The following CRPPA variants were observed in gnomAD, a reference collection of about 807,000 sequenced individuals.
The protein encoded by CRPPA is D-ribitol-5-phosphate cytidylyltransferase.
A neutral mutation model predicts 52.0 loss-of-function variants in CRPPA; 43 were observed. The ratio of observed to expected loss-of-function variants is 0.83; its 90% CI spans 0.65 to 1.07. The LOEUF (loss-of-function observed/expected upper bound fraction) is 1.07. Ranked by LOEUF, CRPPA falls within the 50% of genes least tolerant of loss-of-function variation. The pLI is 0.00. For synonymous variants in CRPPA, 250 were observed against 203.5 expected, an observed-to-expected ratio of 1.23 and a Z score of -1.94; for missense variants, 629 against 551.7, an observed-to-expected ratio of 1.14 and a Z score of -1.40.
chr7:16,188,306 G>T, intron 9 of CRPPA, among the ~76,000 whole-genome samples: 1 of 152,058 alleles, frequency 6.6e-6, no homozygotes, highest in Middle Eastern at 3.4e-3. Flanking sequence ...TCAGAACAAC[G>T]AGAACAAATG....
chr7:16,371,981 A>G (rs1011094323), intron 3 of CRPPA, among the ~76,000 whole-genome samples: 2 of 152,078 alleles, frequency 1.3e-5, no homozygotes, highest in Non-Finnish European at 1.5e-5. Context: ...TTGAAGACAA[A>G]GCTTTTGAAT....
chr7:16,312,454 T>C (rs1785054815), intron 3 of CRPPA, among the ~76,000 whole-genome samples: 1 of 152,024 alleles, frequency 6.6e-6, no homozygotes, highest in African/African-American at 2.4e-5. Flanking sequence ...TTTTATTCCC[T>C]CGTAGCCTGC....
At chr7:16,170,413 C>A (rs1334710441) in intron 9 of CRPPA, among the ~76,000 whole-genome samples, 1 of 152,186 alleles carries the variant, frequency 6.6e-6, no homozygotes, top group African/African-American at 2.4e-5. Context: ...TTTATTCCTT[C>A]TGATGTTCGG....
At chr7:16,221,994 C>T (rs1167523224) in intron 8 of CRPPA, among the ~76,000 whole-genome samples, 4 of 151,736 alleles carry the variant, frequency 2.6e-5, no homozygotes, top group East Asian at 1.9e-4. Context: ...GACACATGCA[C>T]ACGTATGTTT....
chr7:16,266,917 C>T (rs543028876), intron 6 of CRPPA, among the ~76,000 whole-genome samples: 6 of 152,232 alleles, frequency 3.9e-5, no homozygotes, highest in Middle Eastern at 3.4e-3. Flanking sequence ...AGATGGGAAA[C>T]GACTGGCATT....
intron 9 of CRPPA, among the ~76,000 whole-genome samples, chr7:16,199,027 A>C (rs1781795046): frequency 6.6e-6 from 1 of 152,070 alleles, no homozygotes; most frequent in African/African-American, 2.4e-5. Context: ...GCTAACATAC[A>C]CAACTAGCCT....
chr7:16,089,204 G>A lies in CRPPA; in HGVS notation c.*2491C>T, dbSNP rs80084340. 550 of 340,138 alleles carry A rather than the reference G, an allele frequency of 1.6e-3. 7 individuals are homozygous for A. Among genetic ancestry groups the A allele is most frequent in the African/African-American group, 0.011 (499 of 46,906 alleles). 21.1% of individuals were successfully genotyped at this position (340,138 alleles called of 1,614,324 possible). The stretch of plus-strand genomic sequence containing the variant: ...TATATACATATATGTGTGTATATAC[G>A]TACGTATATACATATATGTGTGTAT... On this transcript the variant is annotated 3_prime_UTR_variant, in exon 10 of 10. Coordinates refer to ENST00000407010, the MANE Select transcript of CRPPA (RefSeq NM_001101426.4).
rs1785489804 is a variant in CRPPA, at chr7:16,329,182, T to C, written c.685-20555A>G. On this transcript the variant is annotated intron_variant, in intron 3 of 9. Coordinates refer to ENST00000407010, the MANE Select transcript of CRPPA (RefSeq NM_001101426.4). ...TATCCAAGAGGCAAGTCGGGCTTGT[T>C]CAAGACCCCACACTAAAACTAATTT... is the stretch of plus-strand genomic sequence containing the variant. 3.9e-5 allele frequency among the ~76,000 whole-genome samples: 6 copies of C among 152,218 alleles called. No individual in the cohort carries two copies. The South Asian group carries it at 1.2e-3, about 31-fold the overall frequency.
chr7:16,114,348 C>G (rs1281496218), intron 9 of CRPPA, among the ~76,000 whole-genome samples: 1 of 150,464 alleles, frequency 6.6e-6, no homozygotes, highest in African/African-American at 2.4e-5. Flanking sequence ...AAAAAAAATC[C>G]CCAAACTTCA....
intron 9 of CRPPA, among the ~76,000 whole-genome samples, chr7:16,157,065 C>T (rs1367516751): frequency 6.6e-6 from 1 of 152,012 alleles, no homozygotes; most frequent in Non-Finnish European, 1.5e-5. Context: ...AAGCCCTTAA[C>T]TTAATTCCTT....
At chr7:16,262,767 A>C (rs1783843286) in intron 6 of CRPPA, among the ~76,000 whole-genome samples, 1 of 152,198 alleles carries the variant, frequency 6.6e-6, no homozygotes, top group African/African-American at 2.4e-5. Context: ...TAAAAGAATT[A>C]TCTTAATGAA....
intron 9 of CRPPA, among the ~76,000 whole-genome samples, chr7:16,138,516 C>A (rs887984429): frequency 1.3e-5 from 2 of 152,096 alleles, no homozygotes; most frequent in Non-Finnish European, 2.9e-5. Flanking sequence ...CCTATATTAA[C>A]CTATGTTTCA....
intron 5 of CRPPA, among the ~76,000 whole-genome samples, chr7:16,293,485 A>G (rs1784604246): frequency 1.3e-5 from 2 of 151,916 alleles, no homozygotes; most frequent in Admixed American, 1.3e-4. Flanking sequence ...TTGAGTCCTG[A>G]TATCTCTAAG....
At chr7:16,253,678 G>A (rs182882416) in intron 8 of CRPPA, among the ~76,000 whole-genome samples, 9 of 151,998 alleles carry the variant, frequency 5.9e-5, no homozygotes, top group Non-Finnish European at 1.3e-4. Context: ...ATAGGCATGG[G>A]CAAAGACTTC....
chr7:16,145,315 C>G (rs1260648387), intron 9 of CRPPA, among the ~76,000 whole-genome samples: 1 of 152,128 alleles, frequency 6.6e-6, no homozygotes, highest in Non-Finnish European at 1.5e-5. Flanking sequence ...CTCCATCTCA[C>G]CCAAGTACAA....
At chr7:16,278,894 G>A (rs1784263718) in intron 5 of CRPPA, among the ~76,000 whole-genome samples, 1 of 152,154 alleles carries the variant, frequency 6.6e-6, no homozygotes, top group Admixed American at 6.5e-5. Context: ...TCTATAGCAG[G>A]CAAATCAGAA....
chr7:16,419,982 A>C (rs557291802), intron 1 of CRPPA, among the ~76,000 whole-genome samples: 30 of 152,250 alleles, frequency 2.0e-4, no homozygotes, highest in African/African-American at 6.7e-4. Context: ...CCCTGTCTTG[A>C]TAAATCCGCT....
intron 9 of CRPPA, among the ~76,000 whole-genome samples, chr7:16,093,043 C>T (rs182662926): frequency 1.3e-5 from 2 of 152,316 alleles, no homozygotes; most frequent in Non-Finnish European, 2.9e-5. Context: ...CTCTATCCTC[C>T]AGTCCAGTTT....
intron 1 of CRPPA, among the ~76,000 whole-genome samples, chr7:16,415,835 C>T (rs1377194549): frequency 2.0e-5 from 3 of 152,150 alleles, no homozygotes; most frequent in Non-Finnish European, 4.4e-5. Flanking sequence ...GTGTAAGTGG[C>T]AGTCTTTAAC....
Sources: gnomAD v4.1 joint callset for allele counts (sites outside exome capture counted in the v4.1 genomes callset) on GRCh38, gnomAD v4.1.1 for gene constraint, MANE v1.5 for transcripts, NCBI Gene and HGNC (gene_info 2026-07-23, HGNC 2026-07-21) for gene names.